The following MED14 variants were observed in gnomAD, a reference collection of about 807,000 sequenced individuals.
The protein encoded by MED14 is mediator of RNA polymerase II transcription subunit 14.
Under a neutral mutation model 109.0 loss-of-function variants are expected in MED14, and 8 were observed. The ratio of observed to expected loss-of-function variants is 0.07; its 90% CI spans 0.04 to 0.13. The LOEUF is 0.13. MED14 is among the 10% of genes least tolerant of loss of function. MED14 has a pLI of 1.00. For missense variants in MED14, 711 were observed against 1,142.4 expected (o/e 0.62, Z 5.44); for synonymous variants, 399 against 408.7 (o/e 0.98, Z 0.29).
intron 13 of MED14, among the ~76,000 whole-genome samples, chrX:40,694,589 C>T (rs6520677): frequency 0.37 from 41,027 of 110,352 alleles, 8,223 homozygotes; most frequent in African/African-American, 0.79. Context: ...GATGAGCACA[C>T]GAAAATATGC....
Position 40,682,594 on chromosome X carries a change from C to T in MED14, c.2365+9G>A, listed in dbSNP as rs930447489. 14 of 1,134,586 alleles carry T rather than the reference C, an allele frequency of 1.2e-5. No homozygotes were observed. The highest frequency in any genetic ancestry group is 1.5e-5 in the Non-Finnish European group (13 of 855,415). 93.5% of individuals were successfully genotyped at this position (1,134,586 alleles called of 1,213,427 possible). A position where few individuals can be genotyped will look rare whatever the true frequency, so the allele number is the denominator to read the frequency against. ...ATTTATTTAAAAAGGAGATTATCTC[C>T]ACACGTACCTGGTAGAGAACGTGCA... is the stretch of plus-strand genomic sequence containing the variant. On this transcript the variant is annotated intron_variant, in intron 18 of 30. Transcript: ENST00000324817.
chrX:40,682,519 T>C (rs1930154449), intron 18 of MED14, 84 bp downstream of exon 18: 2 of 799,434 alleles, frequency 2.5e-6, no homozygotes, highest in Admixed American at 4.1e-5. Flanking sequence ...CTTGGAACAC[T>C]GTGCATGTTT....
At chrX:40,701,307 G>A in intron 11 of MED14, 64 bp from the exon 12 acceptor site, 1 of 690,677 alleles carries the variant, frequency 1.4e-6, no homozygotes, top group Non-Finnish European at 2.2e-6. Flanking sequence ...TATCTAGGTA[G>A]TGTAAAACAA....
At chrX:40,677,809 GC>G (rs1250570412) in intron 21 of MED14, among the ~76,000 whole-genome samples, 1 of 111,653 alleles carries the variant, frequency 9.0e-6, no homozygotes, top group Non-Finnish European at 1.9e-5. Context: ...ATTTCCCAAA[GC>G]AAAAGGATAT....
rs1329882925 is a variant in MED14, at chrX:40,712,270, T to C, written c.805A>G (p.Met269Val). The C allele has an allele frequency of 3.3e-6, 4 of 1,205,968 alleles. No individual in the cohort carries two copies. The African/African-American group carries it at 5.3e-5, about 16-fold the overall frequency. ...AGTTGATGGATGAAGCTGATTTGCATGCTATGAACCAAAGCTCGCCCATCT... is the reference window on the plus strand; with the variant it reads ...AGTTGATGGATGAAGCTGATTTGCACGCTATGAACCAAAGCTCGCCCATCT... Reference protein sequence around the residue: ...TGDGRALVHSMQISFIHQLVQ... With the variant: ...TGDGRALVHSVQISFIHQLVQ... Residue 269 changes from methionine to valine, a missense_variant, in exon 7 of 31, where the codon ATG becomes GTG. Physicochemically the swap from Met to Val is conservative, Grantham distance 21. Transcript: ENST00000324817.
chrX:40,691,475 C>T (rs1347327298), intron 15 of MED14, among the ~76,000 whole-genome samples: 1 of 111,329 alleles, frequency 9.0e-6, no homozygotes, highest in Admixed American at 9.5e-5. Context: ...TTAAAAGAGA[C>T]AAGGTCTTGC....
chrX:40,658,215 C>T (rs1022754913), intron 28 of MED14, among the ~76,000 whole-genome samples: 2 of 110,458 alleles, frequency 1.8e-5, no homozygotes, highest in African/African-American at 6.6e-5. Context: ...CTCAGCCTCC[C>T]GAGTAGCTGG....
intron 26 of MED14, among the ~76,000 whole-genome samples, chrX:40,662,644 GTGTGCTGCAGAAATCTATCTCCAGGTCCA>G (rs748239039): frequency 8.9e-6 from 1 of 112,209 alleles, no homozygotes; most frequent in Admixed American, 9.4e-5. Context: ...CAGTGCTCCT[GTGTGCTGCAGAAATCTATCTCCAGGTCCA>G]TGTTAGCCAT....
rs1488101978 is a variant in MED14, at chrX:40,729,298, G to A, written c.242+21C>T. ...ATTGATCAATAAAGAGACTTTAAGG[G>A]TTTTTTTTTTCCATACTCACCTTTC... On this transcript the variant is annotated intron_variant, in intron 2 of 30. Coordinates refer to ENST00000324817, the MANE Select transcript of MED14 (RefSeq NM_004229.4). The A allele has an allele frequency of 7.5e-6, 8 of 1,069,045 alleles. No homozygotes were observed. In the East Asian group the frequency reaches 2.4e-4, roughly 32 times the overall value. The allele number at this position is 1,069,045 out of a possible 1,213,427, so 88.1% of individuals were successfully genotyped here.
intron 2 of MED14, 22 bp downstream of exon 2, chrX:40,729,297 G>C: frequency 1.7e-6 from 2 of 1,187,994 alleles, no homozygotes; most frequent in Middle Eastern, 2.3e-4. Context: ...AGACTTTAAG[G>C]GTTTTTTTTT....
intron 26 of MED14, 117 bp from the exon 27 acceptor site, chrX:40,659,724 C>T: frequency 1.6e-6 from 1 of 643,884 alleles, no homozygotes; most frequent in Non-Finnish European, 2.3e-6. Flanking sequence ...AACAAAGGCA[C>T]CTACAGCATT....
At chrX:40,671,055 A>AT (rs1048858065) in intron 23 of MED14, among the ~76,000 whole-genome samples, 14 of 111,845 alleles carry the variant, frequency 1.3e-4, no homozygotes, top group African/African-American at 4.2e-4. Context: ...CCTATATTAC[A>AT]TATCACATCT....
intron 28 of MED14, among the ~76,000 whole-genome samples, chrX:40,655,354 T>C (rs1359947644): frequency 9.0e-6 from 1 of 111,095 alleles, no homozygotes; most frequent in Non-Finnish European, 1.9e-5. Context: ...TCTATATTCA[T>C]TGAGGCCACC....
At chrX:40,700,312 C>T (rs1160484526) in intron 12 of MED14, among the ~76,000 whole-genome samples, 2 of 92,093 alleles carry the variant, frequency 2.2e-5, no homozygotes, top group African/African-American at 4.1e-5. Flanking sequence ...GCTGAGATCA[C>T]GCTATTGTAC....
intron 3 of MED14, among the ~76,000 whole-genome samples, chrX:40,720,162 A>G: frequency 8.9e-6 from 1 of 112,549 alleles, no homozygotes; most frequent in Middle Eastern, 4.6e-3. Context: ...CCCCCTCTCC[A>G]GGAACACGAA....
At chrX:40,681,786 T>A (rs1930120069) in intron 19 of MED14, 66 bp downstream of exon 19, 2 of 604,091 alleles carry the variant, frequency 3.3e-6, no homozygotes, top group Non-Finnish European at 2.6e-6. Flanking sequence ...GTAATTTTCA[T>A]GTTTTTTTAA....
At chrX:40,671,385 T>C (rs966022798) in intron 23 of MED14, among the ~76,000 whole-genome samples, 1 of 112,609 alleles carries the variant, frequency 8.9e-6, no homozygotes, top group Non-Finnish European at 1.9e-5. Context: ...GACTATGCAC[T>C]GCCTAACTCT....
chrX:40,670,540 T>A (rs1929684124), intron 23 of MED14, among the ~76,000 whole-genome samples: 1 of 110,986 alleles, frequency 9.0e-6, no homozygotes, highest in Non-Finnish European at 1.9e-5. Flanking sequence ...GGCGGGTGGA[T>A]CATGAGGTCA....
chrX:40,706,592 CT>C (rs1473744378), intron 10 of MED14, among the ~76,000 whole-genome samples: 2 of 111,521 alleles, frequency 1.8e-5, no homozygotes, highest in Admixed American at 1.9e-4. Flanking sequence ...GAGCAGACAG[CT>C]GAACTCAGAT....
Sources: gnomAD v4.1 joint callset for allele counts (sites outside exome capture counted in the v4.1 genomes callset) on GRCh38, gnomAD v4.1.1 for gene constraint, MANE v1.5 for transcripts, NCBI Gene and HGNC (gene_info 2026-07-23, HGNC 2026-07-21) for gene names.